The following TEX11 variants were observed in gnomAD, a reference collection of about 807,000 sequenced individuals.
TEX11 encodes testis expressed 11, also known as testis-expressed protein 11.
A neutral mutation model predicts 84.4 loss-of-function variants in TEX11; 7 were observed. The observed-to-expected ratio is 0.08, with a 90% CI of 0.05 to 0.16. The LOEUF (loss-of-function observed/expected upper bound fraction) is 0.16, where lower values mean the gene tolerates loss of function less well. Among genes scored for constraint, TEX11 ranks in the 10% least tolerant of loss-of-function variants. The pLI is 1.00. For synonymous variants in TEX11, 264 were observed against 222.8 expected (o/e 1.18, Z -1.64); for missense variants, 551 against 660.5 (o/e 0.83, Z 1.82).
At chrX:70,785,959 C>T (rs976185234) in intron 9 of TEX11, among the ~76,000 whole-genome samples, 5 of 111,711 alleles carry the variant, frequency 4.5e-5, no homozygotes, top group African/African-American at 1.3e-4. Context: ...CCCAGCGATC[C>T]CATTACTGGG....
chrX:70,875,214 CAAAT>C (rs773598233), intron 3 of TEX11, among the ~76,000 whole-genome samples: 132 of 109,923 alleles, frequency 1.2e-3, no homozygotes, highest in African/African-American at 3.9e-3. Context: ...AATAAATAAA[CAAAT>C]AAAGTTCATA....
At chrX:70,802,038 C>T (rs983843498) in intron 9 of TEX11, among the ~76,000 whole-genome samples, 5 of 111,690 alleles carry the variant, frequency 4.5e-5, no homozygotes, top group Non-Finnish European at 9.4e-5. Flanking sequence ...ATACACCACA[C>T]CACCTGTGAA....
intron 16 of TEX11, among the ~76,000 whole-genome samples, chrX:70,661,319 A>G (rs1008663309): frequency 4.5e-5 from 5 of 112,215 alleles, no homozygotes; most frequent in Non-Finnish European, 9.4e-5. Flanking sequence ...GCGGCAGCAA[A>G]GCTGGGGGAG....
the TEX11 span, among the ~76,000 whole-genome samples, chrX:70,512,265 C>A: frequency 1.9e-5 from 2 of 107,931 alleles, 1 homozygote; most frequent in African/African-American, 6.9e-5. Flanking sequence ...GATGGAGTGG[C>A]TGGAGTGCAG....
chrX:70,772,236 C>T (rs139880143), intron 9 of TEX11, among the ~76,000 whole-genome samples: 38 of 111,338 alleles, frequency 3.4e-4, no homozygotes, highest in African/African-American at 1.2e-3. Flanking sequence ...AAAAGTGTGC[C>T]TATTTGTTTA....
chrX:70,536,647 C>T (rs1010670267), intron 28 of TEX11, among the ~76,000 whole-genome samples: 12 of 112,137 alleles, frequency 1.1e-4, no homozygotes, highest in Non-Finnish European at 2.1e-4. Flanking sequence ...TGTGGATCTC[C>T]TTCTGGGCTC....
At chrX:70,873,173 T>C (rs774587189) in intron 4 of TEX11, 50 bp downstream of exon 4, 1 of 736,845 alleles carries the variant, frequency 1.4e-6, no homozygotes. Context: ...TACTACCCAA[T>C]ATATAGTAAG....
intron 11 of TEX11, among the ~76,000 whole-genome samples, chrX:70,740,447 A>G (rs2090725864): frequency 1.8e-5 from 2 of 111,366 alleles, no homozygotes; most frequent in African/African-American, 6.5e-5. Context: ...TTTTATTTTT[A>G]CGTCCATTCT....
chrX:70,514,159 T>C, the TEX11 span, among the ~76,000 whole-genome samples: 4 of 109,289 alleles, frequency 3.7e-5, no homozygotes, highest in Non-Finnish European at 7.6e-5. Flanking sequence ...TCACTAAGAT[T>C]TGGGGGAATG....
chrX:70,787,598 G>C (rs2091087538), intron 9 of TEX11, among the ~76,000 whole-genome samples: 1 of 108,841 alleles, frequency 9.2e-6, no homozygotes, highest in Admixed American at 9.9e-5. Context: ...CAAAGTGCTG[G>C]GATTACAGAT....
chrX:70,621,913 C>T (rs2089400001), intron 20 of TEX11, among the ~76,000 whole-genome samples: 1 of 109,864 alleles, frequency 9.1e-6, no homozygotes, highest in Admixed American at 9.8e-5. Flanking sequence ...AGGAAGGGTC[C>T]ATTAATAAAA....
chrX:70,563,094 A>G (rs1349751687), intron 25 of TEX11, among the ~76,000 whole-genome samples: 11 of 112,179 alleles, frequency 9.8e-5, no homozygotes, highest in Admixed American at 8.6e-4. Context: ...CAGTGTTTTC[A>G]AAGTCATGGT....
At chrX:70,637,329 G>C (rs901271608) in intron 17 of TEX11, among the ~76,000 whole-genome samples, 4 of 112,668 alleles carry the variant, frequency 3.6e-5, no homozygotes, top group Middle Eastern at 4.2e-3. Flanking sequence ...TAAATTAGTA[G>C]TTCAACCATT....
chrX:70,624,725 C>T lies in TEX11; in HGVS notation c.1694+114G>A, dbSNP rs894986094. 40 of 522,831 alleles carry T rather than the reference C, an allele frequency of 7.7e-5. 1 individual carries two copies. The highest frequency in any genetic ancestry group is 5.2e-4 in the South Asian group (13 of 24,920). 43.1% of individuals were successfully genotyped at this position (522,831 alleles called of 1,213,427 possible). ...GTCCCAACCTCACCCTCCTCTGCTT[C>T]GCTATTTTATGTAAGTTTCCTTGAT... On this transcript the variant is annotated intron_variant, in intron 19 of 29. Transcript: ENST00000374333.
intron 7 of TEX11, among the ~76,000 whole-genome samples, chrX:70,835,988 T>A (rs1173995377): frequency 1.4e-4 from 15 of 109,052 alleles, no homozygotes; most frequent in African/African-American, 5.0e-4. Flanking sequence ...TGGTGGTGCG[T>A]GCCTGTAATC....
intron 16 of TEX11, among the ~76,000 whole-genome samples, chrX:70,657,442 A>G (rs1458189187): frequency 5.2e-5 from 5 of 96,080 alleles, no homozygotes; most frequent in Non-Finnish European, 1.1e-4. Context: ...TACCCTAAAA[A>G]GTTGTAAAAA....
chrX:70,637,985 G>A (rs1603176335), intron 17 of TEX11, among the ~76,000 whole-genome samples: 2 of 110,113 alleles, frequency 1.8e-5, no homozygotes, highest in East Asian at 5.7e-4. Flanking sequence ...AAAAGCTTAG[G>A]GACTTATGGG....
intron 16 of TEX11, among the ~76,000 whole-genome samples, chrX:70,655,690 G>A (rs1416442990): frequency 9.0e-6 from 1 of 110,727 alleles, no homozygotes. Context: ...AGTCTAGGAA[G>A]AATCCTCTAC....
intron 25 of TEX11, among the ~76,000 whole-genome samples, chrX:70,557,885 ATGCC>A (rs2088309900): frequency 8.9e-6 from 1 of 112,314 alleles, no homozygotes; most frequent in Non-Finnish European, 1.9e-5. Flanking sequence ...GCAGTGGCTC[ATGCC>A]TATAGTCCCA....
Sources: gnomAD v4.1 joint callset for allele counts (sites outside exome capture counted in the v4.1 genomes callset) on GRCh38, gnomAD v4.1.1 for gene constraint, MANE v1.5 for transcripts, NCBI Gene and HGNC (gene_info 2026-07-23, HGNC 2026-07-21) for gene names.